The following HBD variants were observed in gnomAD, a reference collection of about 807,000 sequenced individuals.
HBD encodes the protein delta globin.
Under a neutral mutation model 9.2 loss-of-function variants are expected in HBD, and 11 were observed. That is an observed-to-expected ratio of 1.20 (90% CI 0.76 to 1.99). The LOEUF (loss-of-function observed/expected upper bound fraction) is 1.99. Among genes scored for constraint, HBD ranks in the 30% most tolerant of loss-of-function variants. The pLI is 0.00. For synonymous variants in HBD, 83 were observed against 69.4 expected (o/e 1.20, Z -0.98); for missense variants, 189 against 174.3 (o/e 1.08, Z -0.47).
rs759483345 is a variant in HBD, at chr11:5,234,417, G to A, written c.17C>T (p.Pro6Leu). MVHLT[P>L]EEKTAVNALW... ...GGCATTGACAGCAGTCTTCTCCTCA[G>A]GAGTCAGATGCACCATGGTGTCTGT... The change falls in exon 1 of 3, where the codon CCT becomes CTT. Residue 6 changes from proline to leucine, a missense_variant. Physicochemically the swap from Pro to Leu is moderately conservative, Grantham distance 98. Coordinates refer to ENST00000650601, the MANE Select transcript of HBD (RefSeq NM_000519.4). 1.2e-6 allele frequency: 2 copies of A among 1,613,208 alleles called. No homozygotes were observed. The highest frequency in any genetic ancestry group is 1.1e-5 in the South Asian group (1 of 91,070).
chr11:5,234,303 T>C (rs746437527), intron 1 of HBD, 39 bp downstream of exon 1: 8 of 1,602,308 alleles, frequency 5.0e-6, no homozygotes, highest in Non-Finnish European at 6.8e-6. Context: ...CCAGTTTCCA[T>C]TTGCCTCCTT....
rs34933313 is a variant in HBD at position 5,234,041 on chromosome 11, G to C, written c.265C>G (p.Leu89Val). The C allele has an allele frequency of 6.2e-7, 1 of 1,613,980 alleles. No individual in the cohort carries two copies. Among genetic ancestry groups the C allele is most frequent in the East Asian group, 2.2e-5 (1 of 44,896 alleles). Residue 89 changes from leucine (L) to valine (V), a missense_variant, in exon 2 of 3, where the codon CTG becomes GTG. Transcript: ENST00000650601. ...LDNLKGTFSQ[L>V]SELHCDKLHV... ...AGCTTGTCACAGTGCAGCTCACTCA[G>C]CTGAGAAAAAGTGCCCTTGAGGTTG...
rs775974177 is a variant in HBD at position 5,233,081 on chromosome 11, A to G, written c.327T>C (p.Asn109=). ...VDPENFRLLG[N]VLVCVLARNF... is the part of the protein sequence containing the mutation. ...TGCGGGCCAGCACACACACCAGCACATTGCCCAAGAGCTGCGGAGAAGAGG... is the reference window on the plus strand; with the variant it reads ...TGCGGGCCAGCACACACACCAGCACGTTGCCCAAGAGCTGCGGAGAAGAGG... Residue 109 remains asparagine (N), a synonymous_variant, in exon 3 of 3, where the codon AAT becomes AAC. Coordinates refer to ENST00000650601, the MANE Select transcript of HBD (RefSeq NM_000519.4). The G allele has an allele frequency of 6.2e-6, 10 of 1,613,892 alleles. No homozygotes were observed. Among genetic ancestry groups the G allele is most frequent in the African/African-American group, 1.3e-5 (1 of 74,912 alleles).
rs1491451574 is a variant in HBD at position 5,233,171 on chromosome 11, AC to A, written c.316-80del. On this transcript the variant is annotated intron_variant, in intron 2 of 2. Transcript: ENST00000650601. Reference sequence around the variant, plus strand: ...CTGGCTTCTGAGAAACTGAGCCAACACCCATTTTTTTCTGCCCAAATCTTAG... The same window carrying A: ...CTGGCTTCTGAGAAACTGAGCCAACACCATTTTTTTCTGCCCAAATCTTAG... 5.9e-6 allele frequency: 9 copies of A among 1,525,988 alleles called. No homozygotes were observed. The Admixed American group carries it at 1.6e-4, about 27-fold the overall frequency. The allele number at this position is 1,525,988 out of a possible 1,614,324, so 94.5% of individuals were successfully genotyped here.
At chr11:5,233,133 A>G (rs1412408247) in intron 2 of HBD, 41 bp from the exon 3 acceptor site, 1 of 1,611,432 alleles carries the variant, frequency 6.2e-7, no homozygotes, top group South Asian at 1.1e-5. Flanking sequence ...TATGGTTAAC[A>G]GAGAAATAAA....
At chr11:5,233,316 A>G (rs1453320226) in intron 2 of HBD, among the ~76,000 whole-genome samples, 6 of 152,216 alleles carry the variant, frequency 3.9e-5, no homozygotes, top group Non-Finnish European at 1.5e-5. Flanking sequence ...TGTAGTCTAT[A>G]TATGTACATA....
intron 2 of HBD, among the ~76,000 whole-genome samples, chr11:5,233,756 A>G (rs1847699536): frequency 6.6e-6 from 1 of 152,094 alleles, no homozygotes; most frequent in Non-Finnish European, 1.5e-5. Context: ...AGAAGGAAAA[A>G]TGAAGGGAGG....
intron 2 of HBD, 50 bp downstream of exon 2, chr11:5,233,941 T>C (rs1424066064): frequency 6.4e-7 from 1 of 1,553,638 alleles, no homozygotes; most frequent in Admixed American, 1.7e-5. Flanking sequence ...AGAACCAAAA[T>C]GTAAGATTAG....
rs36023765 is a variant in HBD at position 5,233,094 on chromosome 11, T to G, written c.316-2A>C. 6.2e-7 allele frequency: 1 copy of G among 1,613,930 alleles called. No individual in the cohort carries two copies. The highest frequency in any genetic ancestry group is 2.2e-5 in the East Asian group (1 of 44,862). On this transcript the variant is annotated splice_acceptor_variant, in intron 2 of 2. Transcript: ENST00000650601. LOFTEE classifies it high-confidence loss of function. ...ACACACCAGCACATTGCCCAAGAGC[T>G]GCGGAGAAGAGGTAGGCAGATACAT...
At position 5,232,948 on chromosome 11, in the gene HBD, G is replaced by C; in HGVS notation, c.*16C>G. The C allele has an allele frequency of 6.2e-7, 1 of 1,613,996 alleles. No individual in the cohort carries two copies. The highest frequency in any genetic ancestry group is 8.5e-7 in the Non-Finnish European group (1 of 1,179,916). On this transcript the variant is annotated 3_prime_UTR_variant, in exon 3 of 3. Transcript: ENST00000650601. ...AATAGGGTCTTCTTATGGTTATCAG[G>C]AAACAGTCCAGGATCTCAATGGTAC...
rs36049174 is a variant in HBD, at chr11:5,233,056, T to G, written c.352A>C (p.Asn118His). ...GNVLVCVLAR[N>H]FGKEFTPQMQ... ...TGTGGGGTGAATTCCTTGCCAAAGT[T>G]GCGGGCCAGCACACACACCAGCACA... is the stretch of plus-strand genomic sequence containing the variant. Residue 118 changes from asparagine (N) to histidine (H), a missense_variant, in exon 3 of 3, where the codon AAC (asparagine) becomes CAC (histidine). Transcript: ENST00000650601. The G allele has an allele frequency of 1.9e-6, 3 of 1,614,050 alleles. No individual in the cohort carries two copies. The highest frequency in any genetic ancestry group is 2.5e-6 in the Non-Finnish European group (3 of 1,179,970).
rs1589896796 is a variant in HBD, at chr11:5,232,859, A to G, written c.*105T>C. 6.2e-7 allele frequency: 1 copy of G among 1,613,372 alleles called. No homozygotes were observed. Among genetic ancestry groups the G allele is most frequent in the African/African-American group, 1.3e-5 (1 of 74,888 alleles). On this transcript the variant is annotated 3_prime_UTR_variant, in exon 3 of 3. Transcript: ENST00000650601. Reference sequence around the variant, plus strand: ...GAAGTTGAGCTGAACATTCTTTATTAGGCAGAAGCCATACCCTTGAAGTAG... The same window carrying G: ...GAAGTTGAGCTGAACATTCTTTATTGGGCAGAAGCCATACCCTTGAAGTAG...
In HBD at chr11:5,234,088, C is replaced by G. The variant is rs539736726; in HGVS notation, c.218G>C (p.Ser73Thr). 6.8e-6 allele frequency: 11 copies of G among 1,613,988 alleles called. No homozygotes were observed. The highest frequency in any genetic ancestry group is 9.3e-6 in the Non-Finnish European group (11 of 1,180,010). ...AHGKKVLGAFSDGLAHLDNLK... is the reference protein window; with the variant it reads ...AHGKKVLGAFTDGLAHLDNLK... ...GTTGTCCAGGTGAGCCAGGCCATCA[C>G]TAAAGGCACCTAGCACCTTCTTGCC... Residue 73 changes from serine to threonine, a missense_variant, in exon 2 of 3, where the codon AGT becomes ACT. By Grantham distance (58) the Ser-to-Thr change is moderately conservative. Transcript: ENST00000650601.
intron 1 of HBD, 55 bp downstream of exon 1, chr11:5,234,287 A>G: frequency 6.3e-7 from 1 of 1,596,832 alleles, no homozygotes; most frequent in Admixed American, 1.7e-5. Context: ...CTCTGTCTAC[A>G]CATGCCCAGT....
At chr11:5,234,273 T>A in intron 1 of HBD, 60 bp from the exon 2 acceptor site, 1 of 1,595,196 alleles carries the variant, frequency 6.3e-7, no homozygotes, top group South Asian at 1.1e-5. Flanking sequence ...AACCCAAGAG[T>A]CTTCTCTGTC....
intron 2 of HBD, 94 bp from the exon 3 acceptor site, chr11:5,233,186 C>A: frequency 7.3e-7 from 1 of 1,370,040 alleles, no homozygotes; most frequent in South Asian, 1.2e-5. Flanking sequence ...TTTTTTTCTG[C>A]CCAAATCTTA....
In HBD at chr11:5,232,846, A is replaced by T; in HGVS notation, c.*118T>A. The T allele has an allele frequency of 6.2e-7, 1 of 1,613,674 alleles. No homozygotes were observed. The highest frequency in any genetic ancestry group is 8.5e-7 in the Non-Finnish European group (1 of 1,179,790). On this transcript the variant is annotated 3_prime_UTR_variant, in exon 3 of 3. Coordinates refer to ENST00000650601, the MANE Select transcript of HBD (RefSeq NM_000519.4). ...TGAAATTAATCAGGAAGTTGAGCTGAACATTCTTTATTAGGCAGAAGCCAT... is the reference window on the plus strand; with the variant it reads ...TGAAATTAATCAGGAAGTTGAGCTGTACATTCTTTATTAGGCAGAAGCCAT...
At position 5,234,037 on chromosome 11, in the gene HBD, C is replaced by T. The variant is rs570758854; in HGVS notation, c.269G>A (p.Ser90Asn). 6.2e-7 allele frequency: 1 copy of T among 1,614,086 alleles called. No individual in the cohort carries two copies. The highest frequency in any genetic ancestry group is 8.5e-7 in the Non-Finnish European group (1 of 1,180,010). Residue 90 changes from serine (S) to asparagine (N), a missense_variant, in exon 2 of 3, where the codon AGT becomes AAT. Ser to Asn is a conservative substitution (Grantham distance 46). Transcript: ENST00000650601. ...GTGCAGCTTGTCACAGTGCAGCTCACTCAGCTGAGAAAAAGTGCCCTTGAG... is the reference window on the plus strand; with the variant it reads ...GTGCAGCTTGTCACAGTGCAGCTCATTCAGCTGAGAAAAAGTGCCCTTGAG... The part of the protein sequence containing the change: ...DNLKGTFSQL[S>N]ELHCDKLHVD...
At chr11:5,233,880 G>A in intron 2 of HBD, 111 bp downstream of exon 2, 1 of 873,482 alleles carries the variant, frequency 1.1e-6, no homozygotes, top group Non-Finnish European at 1.8e-6. Flanking sequence ...AGCATTAAAT[G>A]ATAAAATATA....
Sources: allele counts gnomAD v4.1 joint callset (sites outside exome capture counted in the v4.1 genomes callset), GRCh38; gene constraint gnomAD v4.1.1; transcripts MANE v1.5; gene names NCBI Gene and HGNC (gene_info 2026-07-23, HGNC 2026-07-21).